Variants in SH3KBP1 observed in about 807,000 individuals in gnomAD.
The protein encoded by SH3KBP1 is SH3 domain containing kinase binding protein 1, also known as SH3 domain-containing kinase-binding protein 1.
SH3KBP1 carries 8 observed loss-of-function variants against 50.1 expected under a neutral mutation model. That is an observed-to-expected ratio of 0.16 (90% confidence interval 0.09 to 0.29). SH3KBP1 has a LOEUF of 0.29. SH3KBP1 is among the 10% of genes least tolerant of loss of function. The pLI is 1.00. For synonymous variants in SH3KBP1, 227 were observed against 218.6 expected (o/e 1.04, Z -0.34); for missense variants, 377 against 535.2 (o/e 0.70, Z 2.92).
intron 2 of SH3KBP1, among the ~76,000 whole-genome samples, chrX:19,777,464 T>A (rs779054891): frequency 6.3e-5 from 7 of 111,497 alleles, no homozygotes; most frequent in Non-Finnish European, 1.1e-4. Context: ...GCTTTCTGGA[T>A]GAGTTCCTGT....
At chrX:19,709,175 T>C (rs187522286) in intron 3 of SH3KBP1, among the ~76,000 whole-genome samples, 7 of 112,181 alleles carry the variant, frequency 6.2e-5, no homozygotes, top group South Asian at 3.7e-4. Context: ...TCTTCGCTAC[T>C]TTCTCTCTGC....
intron 13 of SH3KBP1, among the ~76,000 whole-genome samples, chrX:19,556,219 C>A (rs972125678): frequency 4.5e-5 from 5 of 111,030 alleles, no homozygotes; most frequent in Non-Finnish European, 9.4e-5. Context: ...TGTTTTCATA[C>A]ACCATTAACG....
chrX:19,608,067 A>G (rs764171798), intron 8 of SH3KBP1, 22 bp from the exon 9 acceptor site: 10 of 1,171,124 alleles, frequency 8.5e-6, no homozygotes, highest in South Asian at 7.3e-5. Flanking sequence ...GAGAACAGAG[A>G]GTGAGAGATG....
Position 19,639,193 on chromosome X carries a change from C to T in SH3KBP1, c.802+6207G>A, listed in dbSNP as rs181309714. On this transcript the variant is annotated intron_variant, in intron 7 of 17. Transcript: ENST00000397821. ...ATGTGTCCGTCAGTATGTCTGTCAA[C>T]GCCAACCCAGTGTCTTCCTTTATGA... Among the ~76,000 whole-genome samples, 504 of 111,599 alleles carry T rather than the reference C, an allele frequency of 4.5e-3. 2 individuals are homozygous for T. Among genetic ancestry groups the T allele is most frequent in the Non-Finnish European group, 7.2e-3 (384 of 53,070 alleles).
chrX:19,738,726 C>CT, intron 3 of SH3KBP1, among the ~76,000 whole-genome samples: 1 of 98,530 alleles, frequency 1.0e-5, no homozygotes, highest in South Asian at 5.1e-4. Context: ...AGAAGTCAGA[C>CT]TTGGCCAGGC....
intron 2 of SH3KBP1, among the ~76,000 whole-genome samples, chrX:19,817,439 T>C (rs921704858): frequency 6.3e-5 from 7 of 111,826 alleles, no homozygotes; most frequent in Admixed American, 1.9e-4. Flanking sequence ...TATTTAGATC[T>C]TCTTTGAATA....
rs1281262987 is a variant in SH3KBP1 at position 19,738,840 on chromosome X, G to A, written c.286+7478C>T. ...AGCCTGACCAACATGGCGAAATCCC[G>A]TCTCTACTAAAAATACAAAAATTGG... On this transcript the variant is annotated intron_variant, in intron 3 of 17. Coordinates refer to ENST00000397821, the MANE Select transcript of SH3KBP1 (RefSeq NM_031892.3). 4.7e-5 allele frequency among the ~76,000 whole-genome samples: 5 copies of A among 107,222 alleles called. No homozygotes were observed. In the South Asian group the frequency reaches 1.7e-3, roughly 36 times the overall value. The allele number at this position is 107,222 out of a possible 115,157, so 93.1% of individuals were successfully genotyped here.
At chrX:19,818,048 G>A (rs1435598043) in intron 2 of SH3KBP1, among the ~76,000 whole-genome samples, 1 of 112,201 alleles carries the variant, frequency 8.9e-6, no homozygotes, top group Admixed American at 9.5e-5. Flanking sequence ...ATATGGCTAG[G>A]TGTGTAGTAG....
Position 19,762,114 on chromosome X carries a change from G to A in SH3KBP1, c.163-15673C>T, listed in dbSNP as rs183648497. Among the ~76,000 whole-genome samples the A allele has an allele frequency of 6.6e-3, 747 of 112,621 alleles. 4 individuals carry two copies. Among genetic ancestry groups the A allele is most frequent in the Non-Finnish European group, 9.3e-3 (497 of 53,293 alleles). On this transcript the variant is annotated intron_variant, in intron 2 of 17. Transcript: ENST00000397821. Reference sequence around the variant, plus strand: ...ACAATGAAAGAGATCAGACCTAACCGACTCCATCTTGCTTCTAACCTTTAA... The same window carrying A: ...ACAATGAAAGAGATCAGACCTAACCAACTCCATCTTGCTTCTAACCTTTAA...
chrX:19,775,210 C>T (rs2065937162), intron 2 of SH3KBP1, among the ~76,000 whole-genome samples: 1 of 111,495 alleles, frequency 9.0e-6, no homozygotes, highest in Non-Finnish European at 1.9e-5. Flanking sequence ...CTGTAACATC[C>T]ACTCTGTTCC....
At chrX:19,679,274 G>C (rs1484591971) in intron 6 of SH3KBP1, among the ~76,000 whole-genome samples, 1 of 111,874 alleles carries the variant, frequency 8.9e-6, no homozygotes, top group Non-Finnish European at 1.9e-5. Flanking sequence ...GCAGTGACCT[G>C]GTCTCCCTCA....
chrX:19,576,806 A>G (rs1012799821), intron 12 of SH3KBP1, among the ~76,000 whole-genome samples: 26 of 111,709 alleles, frequency 2.3e-4, no homozygotes, highest in Non-Finnish European at 7.5e-5. Context: ...CATTGCCCCT[A>G]CTGCCTGCTG....
intron 13 of SH3KBP1, among the ~76,000 whole-genome samples, chrX:19,563,304 C>G (rs1265501214): frequency 8.9e-6 from 1 of 112,235 alleles, no homozygotes; most frequent in Non-Finnish European, 1.9e-5. Flanking sequence ...CTGGAGGATG[C>G]CTTTCGAAAT....
intron 2 of SH3KBP1, among the ~76,000 whole-genome samples, chrX:19,791,639 T>A (rs746913052): frequency 9.1e-6 from 1 of 110,389 alleles, no homozygotes; most frequent in South Asian, 3.8e-4. Flanking sequence ...TTAAAACACA[T>A]AGAAGAAAAA....
intron 8 of SH3KBP1, among the ~76,000 whole-genome samples, chrX:19,624,710 T>A (rs772670284): frequency 3.6e-5 from 4 of 112,332 alleles, no homozygotes; most frequent in Admixed American, 1.9e-4. Context: ...CAAATTATAC[T>A]CCTTTGGGTT....
chrX:19,826,054 A>G (rs1401126046), intron 2 of SH3KBP1, among the ~76,000 whole-genome samples: 1 of 112,172 alleles, frequency 8.9e-6, no homozygotes. Context: ...ATAAAGTAAC[A>G]CAGCCATCAG....
At chrX:19,671,105 G>A in intron 6 of SH3KBP1, 1 of 826,078 alleles carries the variant, frequency 1.2e-6, no homozygotes, top group Non-Finnish European at 1.6e-6. Context: ...CGCCTATGTT[G>A]CTGCTGCAAT....
intron 2 of SH3KBP1, among the ~76,000 whole-genome samples, chrX:19,805,861 C>T (rs1409731653): frequency 1.8e-5 from 2 of 111,991 alleles, no homozygotes; most frequent in African/African-American, 6.5e-5. Flanking sequence ...ATCTAACATG[C>T]AGTCCCATGA....
chrX:19,537,083 C>T (rs969125825), intron 17 of SH3KBP1, among the ~76,000 whole-genome samples: 1 of 111,615 alleles, frequency 9.0e-6, no homozygotes, highest in South Asian at 3.8e-4. Context: ...ACAGCTGTGG[C>T]CCCTGGAGCC....
Sources: gnomAD v4.1 joint callset for allele counts (sites outside exome capture counted in the v4.1 genomes callset) on GRCh38, gnomAD v4.1.1 for gene constraint, MANE v1.5 for transcripts, NCBI Gene and HGNC (gene_info 2026-07-23, HGNC 2026-07-21) for gene names.